The following SYN3 variants were observed in gnomAD, a reference collection of about 807,000 sequenced individuals.
SYN3 encodes the protein synapsin III.
Under a neutral mutation model 65.8 loss-of-function variants are expected in SYN3, and 35 were observed. The observed-to-expected ratio is 0.53, with a 90% CI of 0.41 to 0.70. The LOEUF (loss-of-function observed/expected upper bound fraction) is 0.70, where lower values mean the gene tolerates loss of function less well. Among genes scored for constraint, SYN3 ranks in the 30% least tolerant of loss-of-function variants. The probability of loss-of-function intolerance (pLI) is 0.00; values close to 1 mark genes in which losing one functional copy is unlikely to be tolerated. For synonymous variants in SYN3, 270 were observed against 292.9 expected, an observed-to-expected ratio of 0.92 and a Z score of 0.80; for missense variants, 680 against 749.0, an observed-to-expected ratio of 0.91 and a Z score of 1.08.
intron 4 of SYN3, among the ~76,000 whole-genome samples, chr22:32,926,713 T>C (rs1185700142): frequency 6.6e-6 from 1 of 152,232 alleles, no homozygotes; most frequent in Non-Finnish European, 1.5e-5. Flanking sequence ...ATAACTCTTC[T>C]CTTTAATTAG....
At chr22:33,055,105 A>G (rs563643481) in intron 1 of SYN3, among the ~76,000 whole-genome samples, 2 of 152,352 alleles carry the variant, frequency 1.3e-5, no homozygotes, top group East Asian at 3.9e-4. Flanking sequence ...CTTTTAAAAC[A>G]TAAACCAGAT....
chr22:32,539,045 C>CA (rs1250851626), intron 8 of SYN3, among the ~76,000 whole-genome samples: 3 of 152,100 alleles, frequency 2.0e-5, no homozygotes, highest in African/African-American at 7.2e-5. Context: ...CTGGCCTCGG[C>CA]AAAGACTGAA....
At chr22:32,990,126 G>A (rs930305138) in intron 2 of SYN3, among the ~76,000 whole-genome samples, 4 of 152,200 alleles carry the variant, frequency 2.6e-5, no homozygotes, top group Non-Finnish European at 5.9e-5. Flanking sequence ...AAGGGTTTTT[G>A]ATGGCATAAG....
At chr22:32,855,598 G>C (rs2048339997) in intron 6 of SYN3, among the ~76,000 whole-genome samples, 1 of 152,118 alleles carries the variant, frequency 6.6e-6, no homozygotes, top group South Asian at 2.1e-4. Context: ...TACCTCATAG[G>C]GTTGTCATGG....
chr22:32,855,512 A>G (rs914776837), intron 6 of SYN3, among the ~76,000 whole-genome samples: 12 of 152,018 alleles, frequency 7.9e-5, no homozygotes, highest in African/African-American at 2.7e-4. Flanking sequence ...CCATTTCCCA[A>G]CTGTGTGGCC....
At chr22:32,690,847 C>T (rs993895966) in intron 6 of SYN3, among the ~76,000 whole-genome samples, 2 of 152,142 alleles carry the variant, frequency 1.3e-5, no homozygotes, top group Non-Finnish European at 2.9e-5. Context: ...ACATGGGAAG[C>T]GAGGGCTCAT....
At chr22:32,576,368 C>T (rs988427261) in intron 7 of SYN3, among the ~76,000 whole-genome samples, 2 of 152,128 alleles carry the variant, frequency 1.3e-5, no homozygotes, top group Admixed American at 1.3e-4. Context: ...CTTCAGTTTT[C>T]CCTTCTGTAA....
intron 5 of SYN3, among the ~76,000 whole-genome samples, chr22:32,867,444 C>T (rs2040435): frequency 0.34 from 51,226 of 152,028 alleles, 9,674 homozygotes; most frequent in African/African-American, 0.51. Context: ...GAAGTATTTG[C>T]TACATGAACG....
chr22:32,873,467 C>A (rs534890249), intron 4 of SYN3, among the ~76,000 whole-genome samples: 1 of 152,112 alleles, frequency 6.6e-6, no homozygotes, highest in Non-Finnish European at 1.5e-5. Context: ...AAGGCACCTG[C>A]GACTGAATGA....
intron 9 of SYN3, among the ~76,000 whole-genome samples, chr22:32,534,836 GA>G (rs2058137110): frequency 6.6e-6 from 1 of 152,202 alleles, no homozygotes; most frequent in Admixed American, 6.5e-5. Context: ...AAAGCCTACT[GA>G]GGCCCAGAGA....
intron 6 of SYN3, among the ~76,000 whole-genome samples, chr22:32,673,846 C>G (rs982563358): frequency 6.6e-6 from 1 of 152,084 alleles, no homozygotes; most frequent in Non-Finnish European, 1.5e-5. Flanking sequence ...GAGCGTGGCT[C>G]TGATGTGCAG....
chr22:32,700,805 C>G (rs2060801293), intron 6 of SYN3, among the ~76,000 whole-genome samples: 1 of 152,198 alleles, frequency 6.6e-6, no homozygotes, highest in African/African-American at 2.4e-5. Flanking sequence ...GACCAGCAGC[C>G]TGCCTAACAT....
chr22:33,042,002 G>C (rs908726016), intron 1 of SYN3, among the ~76,000 whole-genome samples: 1 of 152,154 alleles, frequency 6.6e-6, no homozygotes, highest in Non-Finnish European at 1.5e-5. Context: ...TGTTAAAACC[G>C]CAATCCCTAA....
chr22:33,053,308 A>G (rs2054201955), intron 1 of SYN3, among the ~76,000 whole-genome samples: 1 of 152,148 alleles, frequency 6.6e-6, no homozygotes, highest in Non-Finnish European at 1.5e-5. Flanking sequence ...CTATAATTCC[A>G]GCTACTCCGG....
chr22:32,979,149 T>C (rs1037391137), intron 3 of SYN3, among the ~76,000 whole-genome samples: 62 of 149,958 alleles, frequency 4.1e-4, no homozygotes, highest in African/African-American at 1.5e-3. Flanking sequence ...GTTCACTCCA[T>C]TGCACTCCAG....
intron 6 of SYN3, among the ~76,000 whole-genome samples, chr22:32,627,442 C>A (rs558840519): frequency 6.6e-6 from 1 of 152,168 alleles, no homozygotes; most frequent in African/African-American, 2.4e-5. Flanking sequence ...CGCACACTCA[C>A]GGCAGGTCAC....
intron 6 of SYN3, chr22:32,861,531 C>T (rs965789256): frequency 2.6e-5 from 4 of 152,390 alleles, no homozygotes; most frequent in Non-Finnish European, 5.9e-5. Context: ...CACAAGTGGA[C>T]ATCAGTGTCT....
intron 7 of SYN3, among the ~76,000 whole-genome samples, chr22:32,549,573 G>T (rs2058381991): frequency 6.6e-6 from 1 of 152,126 alleles, no homozygotes. Context: ...CTTTTATCAA[G>T]AATTTTTTTG....
intron 7 of SYN3, among the ~76,000 whole-genome samples, chr22:32,562,656 G>A (rs1264083346): frequency 6.6e-6 from 1 of 152,238 alleles, no homozygotes; most frequent in African/African-American, 2.4e-5. Flanking sequence ...CTGCCCAACA[G>A]GAGAATAAAG....
Sources: allele counts gnomAD v4.1 joint callset (sites outside exome capture counted in the v4.1 genomes callset), GRCh38; gene constraint gnomAD v4.1.1; transcripts MANE v1.5; gene names NCBI Gene and HGNC (gene_info 2026-07-23, HGNC 2026-07-21).